CNTN5: variants seen among roughly 807,000 people sequenced by gnomAD.
CNTN5 encodes contactin 5, also known as contactin-5.
A neutral mutation model predicts 129.1 loss-of-function variants in CNTN5; 77 were observed. That is an observed-to-expected ratio of 0.60 (90% CI 0.50 to 0.72). CNTN5 has a LOEUF of 0.72. CNTN5 is among the 30% of genes least tolerant of loss of function. The pLI, the probability that CNTN5 is intolerant of heterozygous loss-of-function variation, is 0.00. For missense variants in CNTN5, 1,478 were observed against 1,328.8 expected (o/e 1.11, Z -1.75); for synonymous variants, 509 against 465.6 (o/e 1.09, Z -1.20).
At chr11:100,271,763 T>C (rs1164026445) in intron 18 of CNTN5, among the ~76,000 whole-genome samples, 1 of 152,220 alleles carries the variant, frequency 6.6e-6, no homozygotes, top group Non-Finnish European at 1.5e-5. Context: ...AATCTGCTCC[T>C]TGACTTTGAA....
chr11:99,356,455 C>T (rs1213239137), intron 2 of CNTN5, among the ~76,000 whole-genome samples: 1 of 152,178 alleles, frequency 6.6e-6, no homozygotes, highest in East Asian at 1.9e-4. Context: ...CTCAGTCAAT[C>T]TTATTAGTCC....
chr11:99,888,363 T>C (rs1948955452), intron 6 of CNTN5, among the ~76,000 whole-genome samples: 1 of 152,252 alleles, frequency 6.6e-6, no homozygotes, highest in African/African-American at 2.4e-5. Context: ...TTTTCATTTT[T>C]CTTTGCAATT....
intron 3 of CNTN5, among the ~76,000 whole-genome samples, chr11:99,713,386 G>C (rs185945130): frequency 1.3e-5 from 2 of 152,010 alleles, no homozygotes; most frequent in Non-Finnish European, 2.9e-5. Context: ...TCAGCTTAAG[G>C]AGATTTTGGG....
intron 2 of CNTN5, among the ~76,000 whole-genome samples, chr11:99,340,907 T>A (rs1866482994): frequency 6.6e-6 from 1 of 152,178 alleles, no homozygotes; most frequent in Non-Finnish European, 1.5e-5. Context: ...GGCTGCTAAC[T>A]GTCAATATTT....
At chr11:99,426,442 A>C (rs541573845) in intron 2 of CNTN5, among the ~76,000 whole-genome samples, 233 of 152,358 alleles carry the variant, frequency 1.5e-3, no homozygotes, top group Non-Finnish European at 2.6e-3. Context: ...AGGCCAGCTA[A>C]ATATGTTTCT....
At chr11:100,078,761 A>G (rs1266858781) in intron 13 of CNTN5, among the ~76,000 whole-genome samples, 1 of 152,134 alleles carries the variant, frequency 6.6e-6, no homozygotes, top group African/African-American at 2.4e-5. Context: ...CTCAGTACTC[A>G]GTGAATGTTA....
At chr11:99,892,153 G>A (rs992786306) in intron 6 of CNTN5, among the ~76,000 whole-genome samples, 6 of 151,998 alleles carry the variant, frequency 3.9e-5, no homozygotes, top group South Asian at 2.1e-4. Flanking sequence ...CATATCCTTC[G>A]CCCACTTTTT....
At chr11:99,613,945 A>G (rs1950676367) in intron 3 of CNTN5, among the ~76,000 whole-genome samples, 1 of 152,242 alleles carries the variant, frequency 6.6e-6, no homozygotes, top group Admixed American at 6.5e-5. Flanking sequence ...GGAATGAGTC[A>G]AAATGTTTCC....
At chr11:100,337,134 A>C in intron 21 of CNTN5, 1 of 1,411,856 alleles carries the variant, frequency 7.1e-7, no homozygotes, top group Non-Finnish European at 1.0e-6. Context: ...TTTACAAAAT[A>C]GATGACATGA....
intron 2 of CNTN5, among the ~76,000 whole-genome samples, chr11:99,450,771 T>G (rs1199297709): frequency 2.2e-5 from 2 of 90,920 alleles, no homozygotes; most frequent in African/African-American, 3.5e-5. Context: ...GAAGCAAGTT[T>G]TTTTTTTTTT....
intron 15 of CNTN5, among the ~76,000 whole-genome samples, chr11:100,210,263 T>A (rs1039659073): frequency 3.4e-5 from 5 of 147,758 alleles, no homozygotes; most frequent in African/African-American, 1.3e-4. Flanking sequence ...GGTGGGAGGA[T>A]CGCTTGAGCC....
At position 100,334,122 on chromosome 11, in the gene CNTN5, C is replaced by T. The variant is rs535548013; in HGVS notation, c.2731-6341C>T. 2.0e-5 allele frequency among the ~76,000 whole-genome samples: 3 copies of T among 152,160 alleles called. No homozygotes were observed. In the East Asian group the frequency reaches 5.8e-4, roughly 29 times the overall value. On this transcript the variant is annotated intron_variant, in intron 21 of 24. Transcript: ENST00000524871. ...ATCCCATCAAAAAGTGGGCAAAGAA[C>T]ATGAATAAACAATTCTCAAAAGAAG...
intron 2 of CNTN5, among the ~76,000 whole-genome samples, chr11:99,499,914 TA>T (rs1481718439): frequency 7.9e-5 from 12 of 152,096 alleles, no homozygotes; most frequent in African/African-American, 2.9e-4. Flanking sequence ...TAGACTTACG[TA>T]AAAAATATAG....
At chr11:99,600,428 C>T (rs991817942) in intron 3 of CNTN5, among the ~76,000 whole-genome samples, 1 of 152,114 alleles carries the variant, frequency 6.6e-6, no homozygotes, top group Admixed American at 6.5e-5. Flanking sequence ...TATTTTACCT[C>T]ATGTTAATTA....
chr11:99,853,470 G>T (rs984550711), intron 6 of CNTN5, among the ~76,000 whole-genome samples: 13 of 151,902 alleles, frequency 8.6e-5, no homozygotes, highest in African/African-American at 3.1e-4. Context: ...TGCATTCTCG[G>T]CTCACTGCAA....
intron 7 of CNTN5, among the ~76,000 whole-genome samples, chr11:99,917,087 CTTT>C (rs1417234437): frequency 3.9e-5 from 6 of 152,018 alleles, no homozygotes; most frequent in Non-Finnish European, 5.9e-5. Context: ...CTTAAGACTT[CTTT>C]ATCTTTATCT....
chr11:100,117,287 T>C (rs1260437976), intron 13 of CNTN5, among the ~76,000 whole-genome samples: 1 of 151,946 alleles, frequency 6.6e-6, no homozygotes, highest in East Asian at 1.9e-4. Flanking sequence ...ACTGATCTGC[T>C]TTGTGACACT....
At chr11:99,639,101 A>G (rs1313292830) in intron 3 of CNTN5, among the ~76,000 whole-genome samples, 1 of 152,182 alleles carries the variant, frequency 6.6e-6, no homozygotes, top group African/African-American at 2.4e-5. Context: ...CCAAACCTCA[A>G]TTCTTGACTT....
intron 6 of CNTN5, among the ~76,000 whole-genome samples, chr11:99,869,175 T>C (rs764559174): frequency 5.3e-5 from 8 of 152,222 alleles, no homozygotes; most frequent in Admixed American, 3.3e-4. Flanking sequence ...TTTTGTTAGG[T>C]TTAGGTCTTT....
Sources: gnomAD v4.1 joint callset for allele counts (sites outside exome capture counted in the v4.1 genomes callset) on GRCh38, gnomAD v4.1.1 for gene constraint, MANE v1.5 for transcripts, NCBI Gene and HGNC (gene_info 2026-07-23, HGNC 2026-07-21) for gene names.